The following RB1 variants were observed in gnomAD, a reference collection of about 807,000 sequenced individuals.
RB1 encodes retinoblastoma-associated protein.
In RB1, 18 loss-of-function variants were observed where a neutral mutation model predicts 135.4. The observed-to-expected ratio is 0.13, with a 90% CI of 0.09 to 0.20. RB1 has a LOEUF of 0.20. Ranked by LOEUF, RB1 falls within the 10% of genes least tolerant of loss-of-function variation. The pLI is 1.00. For synonymous variants in RB1, 365 were observed against 373.2 expected (o/e 0.98, Z 0.25); for missense variants, 868 against 1,110.0 (o/e 0.78, Z 3.10).
intron 17 of RB1, 108 bp downstream of exon 17, chr13:48,381,551 T>C: frequency 9.7e-7 from 1 of 1,027,510 alleles, no homozygotes; most frequent in South Asian, 1.4e-5. Flanking sequence ...ATAGGGAATT[T>C]AATGAATAAT....
chr13:48,473,435 T>A (rs927143285), intron 24 of RB1, 45 bp downstream of exon 24: 1 of 1,469,496 alleles, frequency 6.8e-7, no homozygotes, highest in Non-Finnish European at 9.5e-7. Context: ...GCATTGTAAG[T>A]ATAAAAGAAA....
intron 6 of RB1, among the ~76,000 whole-genome samples, chr13:48,354,931 G>A (rs2138101326): frequency 6.6e-6 from 1 of 152,090 alleles, no homozygotes; most frequent in Middle Eastern, 3.4e-3. Context: ...AATGATTAAG[G>A]ACTTAAATCT....
intron 11 of RB1, among the ~76,000 whole-genome samples, chr13:48,369,090 C>G (rs943528091): frequency 6.6e-6 from 1 of 152,116 alleles, no homozygotes; most frequent in African/African-American, 2.4e-5. Flanking sequence ...CTAGTTTTGT[C>G]TGTTCTTAAA....
intron 2 of RB1, chr13:48,341,469 A>G (rs1486190131): frequency 6.6e-6 from 1 of 151,988 alleles, no homozygotes; most frequent in African/African-American, 2.4e-5. Context: ...TGCATATTTA[A>G]CTTTATAAGA....
chr13:48,390,006 T>G (rs1948599388), intron 17 of RB1, among the ~76,000 whole-genome samples: 1 of 151,980 alleles, frequency 6.6e-6, no homozygotes, highest in Non-Finnish European at 1.5e-5. Flanking sequence ...TTTTTAAAAT[T>G]AGCCAGGTGT....
intron 17 of RB1, among the ~76,000 whole-genome samples, chr13:48,452,768 G>T (rs558306067): frequency 6.6e-6 from 1 of 151,510 alleles, no homozygotes; most frequent in East Asian, 1.9e-4. Context: ...TAATATAAGC[G>T]TTGAAGGTTA....
intron 18 of RB1, 149 bp from the exon 19 acceptor site, chr13:48,456,055 A>G (rs1949357657): frequency 7.1e-7 from 1 of 1,412,780 alleles, no homozygotes; most frequent in Non-Finnish European, 9.3e-7. Flanking sequence ...TTTCCTATTA[A>G]TATATCTTTC....
intron 5 of RB1, among the ~76,000 whole-genome samples, chr13:48,348,090 C>G (rs1464029577): frequency 1.3e-5 from 2 of 151,928 alleles, no homozygotes; most frequent in Non-Finnish European, 2.9e-5. Context: ...GGAATTGATT[C>G]AGGACAGCAT....
intron 23 of RB1, among the ~76,000 whole-genome samples, chr13:48,466,037 G>C (rs1221324957): frequency 2.7e-5 from 4 of 150,538 alleles, no homozygotes; most frequent in South Asian, 2.1e-4. Context: ...CGGGAAGCTC[G>C]AACTGGGTGG....
chr13:48,418,240 GA>G (rs1948947123), intron 17 of RB1, among the ~76,000 whole-genome samples: 1 of 150,392 alleles, frequency 6.6e-6, no homozygotes, highest in Non-Finnish European at 1.5e-5. Flanking sequence ...CATTCTTAAA[GA>G]AAGGAATTTT....
At chr13:48,356,270 G>A (rs989128706) in intron 6 of RB1, among the ~76,000 whole-genome samples, 1 of 151,978 alleles carries the variant, frequency 6.6e-6, no homozygotes, top group East Asian at 1.9e-4. Flanking sequence ...TGATTAAAAA[G>A]ATGGGTAGTT....
intron 17 of RB1, among the ~76,000 whole-genome samples, chr13:48,447,915 C>CTATT (rs1478015141): frequency 6.6e-6 from 1 of 152,086 alleles, no homozygotes; most frequent in African/African-American, 2.4e-5. Flanking sequence ...TAGTATAATC[C>CTATT]TATTGGGTGA....
intron 2 of RB1, among the ~76,000 whole-genome samples, chr13:48,315,744 A>G (rs147418265): frequency 1.3e-5 from 2 of 152,352 alleles, no homozygotes; most frequent in African/African-American, 2.4e-5. Context: ...TTTATCCACT[A>G]ATCGGCTGAT....
At chr13:48,387,275 T>G (rs1948578073) in intron 17 of RB1, among the ~76,000 whole-genome samples, 1 of 152,244 alleles carries the variant, frequency 6.6e-6, no homozygotes, top group Non-Finnish European at 1.5e-5. Context: ...TAAAAATTAT[T>G]TATGTTAACA....
At chr13:48,318,694 C>T (rs1018716443) in intron 2 of RB1, 3 of 619,178 alleles carry the variant, frequency 4.8e-6, no homozygotes, top group African/African-American at 1.8e-5. Flanking sequence ...GCATGGCCGC[C>T]GCCTCTACGT....
At chr13:48,313,257 T>G (rs1237204620) in intron 2 of RB1, among the ~76,000 whole-genome samples, 1 of 152,170 alleles carries the variant, frequency 6.6e-6, no homozygotes, top group Non-Finnish European at 1.5e-5. Context: ...GCATATCTCT[T>G]ATAAGATATA....
chr13:48,408,315 A>C (rs892517012), intron 17 of RB1, among the ~76,000 whole-genome samples: 1 of 151,924 alleles, frequency 6.6e-6, no homozygotes, highest in African/African-American at 2.4e-5. Context: ...GGTACTTGAT[A>C]TTTTCTCAGT....
chr13:48,342,979 T>G lies in RB1; in HGVS notation c.380+265T>G, dbSNP rs150332643. On this transcript the variant is annotated intron_variant, in intron 3 of 26. Transcript: ENST00000267163. ...ATTCATGTGTAAGCTTTCTTAATTG[T>G]GGCTGTTAATAAAGTGAACAGAAAA... is the stretch of plus-strand genomic sequence containing the variant. Among the ~76,000 whole-genome samples, 94 of 152,248 alleles carry G rather than the reference T, an allele frequency of 6.2e-4. 1 individual carries two copies. Among genetic ancestry groups the G allele is most frequent in the African/African-American group, 2.3e-3 (94 of 41,582 alleles).
At chr13:48,326,690 G>T (rs1952290595) in intron 2 of RB1, among the ~76,000 whole-genome samples, 1 of 152,024 alleles carries the variant, frequency 6.6e-6, no homozygotes. Flanking sequence ...TACACAGGTT[G>T]CTTCTCTGAG....
Sources: gnomAD v4.1 joint callset for allele counts (sites outside exome capture counted in the v4.1 genomes callset) on GRCh38, gnomAD v4.1.1 for gene constraint, MANE v1.5 for transcripts, NCBI Gene and HGNC (gene_info 2026-07-23, HGNC 2026-07-21) for gene names.